The following SMOC2 variants were observed in gnomAD, a reference collection of about 807,000 sequenced individuals.
SMOC2 encodes the protein SPARC-related modular calcium-binding protein 2.
A neutral mutation model predicts 61.4 loss-of-function variants in SMOC2; 39 were observed. That is an observed-to-expected ratio of 0.64 (90% CI 0.49 to 0.83). SMOC2 has a LOEUF of 0.83. Among genes scored for constraint, SMOC2 ranks in the 40% least tolerant of loss-of-function variants. SMOC2 has a pLI of 0.00. For synonymous variants in SMOC2, 247 were observed against 239.9 expected (o/e 1.03, Z -0.27); for missense variants, 556 against 592.9 (o/e 0.94, Z 0.65).
At chr6:168,545,445 C>T (rs1013086323) in intron 5 of SMOC2, among the ~76,000 whole-genome samples, 1 of 152,168 alleles carries the variant, frequency 6.6e-6, no homozygotes, top group Non-Finnish European at 1.5e-5. Context: ...CACAGCTCTT[C>T]GAGATTTTTG....
chr6:168,639,182 A>AG (rs1786826012), intron 9 of SMOC2, among the ~76,000 whole-genome samples: 1 of 152,112 alleles, frequency 6.6e-6, no homozygotes, highest in Non-Finnish European at 1.5e-5. Context: ...TCGTCATTGG[A>AG]GCCCCCCGTT....
intron 1 of SMOC2, among the ~76,000 whole-genome samples, chr6:168,468,260 G>A (rs6904869): frequency 0.25 from 38,018 of 152,152 alleles, 6,893 homozygotes; most frequent in African/African-American, 0.5. Context: ...CATGGTGATC[G>A]CAGCAGGTGA....
intron 2 of SMOC2, among the ~76,000 whole-genome samples, chr6:168,519,188 T>C (rs1051764091): frequency 2.1e-5 from 3 of 140,152 alleles, no homozygotes; most frequent in African/African-American, 5.2e-5. Flanking sequence ...TATGCGTGCA[T>C]GTGTATGTGT....
At chr6:168,628,329 G>T (rs1042516918) in intron 9 of SMOC2, among the ~76,000 whole-genome samples, 2 of 152,192 alleles carry the variant, frequency 1.3e-5, no homozygotes, top group African/African-American at 4.8e-5. Flanking sequence ...GAGGGCTGGA[G>T]AACATCATGC....
chr6:168,497,169 G>GC (rs1356163100), intron 1 of SMOC2, among the ~76,000 whole-genome samples: 1 of 152,250 alleles, frequency 6.6e-6, no homozygotes, highest in Non-Finnish European at 1.5e-5. Flanking sequence ...GGAGGGCAGG[G>GC]CCCGGGCCCC....
At chr6:168,550,213 G>A (rs376531629) in intron 7 of SMOC2, among the ~76,000 whole-genome samples, 5 of 152,268 alleles carry the variant, frequency 3.3e-5, no homozygotes, top group Admixed American at 1.3e-4. Context: ...GAGGAAATAC[G>A]GAGTTAGTAA....
intron 1 of SMOC2, among the ~76,000 whole-genome samples, chr6:168,469,540 T>A (rs1022009382): frequency 2.0e-5 from 3 of 152,216 alleles, no homozygotes; most frequent in Non-Finnish European, 4.4e-5. Context: ...AATCTTTCTG[T>A]TCGTAAATGG....
At chr6:168,484,682 G>T (rs78524082) in intron 1 of SMOC2, among the ~76,000 whole-genome samples, 538 of 152,272 alleles carry the variant, frequency 3.5e-3, no homozygotes, top group African/African-American at 0.013. Flanking sequence ...TTAAAACATG[G>T]AAGTAACCCA....
chr6:168,460,111 A>G (rs1167753708), intron 1 of SMOC2, among the ~76,000 whole-genome samples: 1 of 152,170 alleles, frequency 6.6e-6, no homozygotes, highest in Non-Finnish European at 1.5e-5. Flanking sequence ...CTGATACCCC[A>G]AAAGATATTC....
intron 1 of SMOC2, among the ~76,000 whole-genome samples, chr6:168,494,699 A>C (rs917216290): frequency 6.6e-6 from 1 of 152,192 alleles, no homozygotes; most frequent in South Asian, 2.1e-4. Flanking sequence ...ACCTCTCCTC[A>C]TACTGGGGTT....
chr6:168,632,569 T>C (rs1786597691), intron 9 of SMOC2, among the ~76,000 whole-genome samples: 1 of 152,208 alleles, frequency 6.6e-6, no homozygotes, highest in South Asian at 2.1e-4. Flanking sequence ...GTGCATGACT[T>C]TGGCTTCGTT....
intron 9 of SMOC2, among the ~76,000 whole-genome samples, chr6:168,639,428 T>C (rs976121074): frequency 2.6e-5 from 4 of 152,254 alleles, no homozygotes; most frequent in African/African-American, 7.2e-5. Flanking sequence ...TTTTGAGGCA[T>C]GTGCTATTTT....
At chr6:168,560,506 G>GCACA (rs1562348172) in intron 7 of SMOC2, among the ~76,000 whole-genome samples, 50 of 146,376 alleles carry the variant, frequency 3.4e-4, no homozygotes, top group Non-Finnish European at 4.1e-4. Context: ...CCTGAGATGT[G>GCACA]AGGCTCTCAC....
chr6:168,554,429 T>G (rs1485704117), intron 7 of SMOC2, among the ~76,000 whole-genome samples: 2 of 152,202 alleles, frequency 1.3e-5, no homozygotes, highest in Non-Finnish European at 2.9e-5. Context: ...CTGTTAAGCT[T>G]CTGCAGGAAC....
At position 168,624,382 on chromosome 6, in the gene SMOC2, T is replaced by C. The variant is rs145835940; in HGVS notation, c.907+16143T>C. 2.4e-3 allele frequency among the ~76,000 whole-genome samples: 360 copies of C among 152,356 alleles called. 1 individual carries two copies. Among genetic ancestry groups the C allele is most frequent in the African/African-American group, 7.8e-3 (325 of 41,578 alleles). On this transcript the variant is annotated intron_variant, in intron 9 of 12. Transcript: ENST00000356284. ...GACGAAGCTCGCTAGAGAAACATTC[T>C]GTACAATAAAGTACTCGTTGAAAGG...
At chr6:168,601,166 CTG>C (rs775424785) in intron 8 of SMOC2, among the ~76,000 whole-genome samples, 21 of 152,226 alleles carry the variant, frequency 1.4e-4, no homozygotes, top group Non-Finnish European at 2.8e-4. Context: ...GTGGGGGAAA[CTG>C]TGTAGTTTCC....
At chr6:168,606,748 G>A (rs573102280) in intron 8 of SMOC2, among the ~76,000 whole-genome samples, 22 of 152,158 alleles carry the variant, frequency 1.4e-4, no homozygotes, top group African/African-American at 3.4e-4. Flanking sequence ...TCAGGGCTCC[G>A]GGCCGGACCC....
intron 9 of SMOC2, among the ~76,000 whole-genome samples, chr6:168,610,403 C>G (rs1785828043): frequency 1.3e-5 from 2 of 152,124 alleles, no homozygotes; most frequent in Admixed American, 1.3e-4. Flanking sequence ...GATAATTATC[C>G]TTATTAGGAA....
At chr6:168,499,139 G>A (rs550162285) in intron 1 of SMOC2, among the ~76,000 whole-genome samples, 88 of 151,144 alleles carry the variant, frequency 5.8e-4, no homozygotes, top group African/African-American at 1.9e-3. Context: ...GGACAGCCAG[G>A]GCCCATAGCC....
Sources: gnomAD v4.1 joint callset for allele counts (sites outside exome capture counted in the v4.1 genomes callset) on GRCh38, gnomAD v4.1.1 for gene constraint, MANE v1.5 for transcripts, NCBI Gene and HGNC (gene_info 2026-07-23, HGNC 2026-07-21) for gene names.